GRAMD4: variants seen among roughly 807,000 people sequenced by gnomAD.
GRAMD4 encodes the protein GRAM domain-containing protein 4.
In GRAMD4, 25 loss-of-function variants were observed where a neutral mutation model predicts 83.9. That is an observed-to-expected ratio of 0.30 (90% CI 0.22 to 0.42). The LOEUF (loss-of-function observed/expected upper bound fraction) is 0.42. Among genes scored for constraint, GRAMD4 ranks in the 10% least tolerant of loss-of-function variants. The pLI is 1.00. For missense variants in GRAMD4, 593 were observed against 788.7 expected (o/e 0.75, Z 2.97); for synonymous variants, 336 against 320.9 (o/e 1.05, Z -0.50).
chr22:46,654,350 A>G (rs1256717251), intron 3 of GRAMD4, among the ~76,000 whole-genome samples: 1 of 152,188 alleles, frequency 6.6e-6, no homozygotes, highest in Non-Finnish European at 1.5e-5. Context: ...CACATGCTCC[A>G]TGCTGCTCTT....
At chr22:46,644,858 G>A (rs1289019334) in intron 3 of GRAMD4, among the ~76,000 whole-genome samples, 1 of 139,794 alleles carries the variant, frequency 7.2e-6, no homozygotes, top group African/African-American at 2.7e-5. Flanking sequence ...TCAGCTTCCT[G>A]AGTAGCAGGG....
chr22:46,668,177 C>T lies in GRAMD4; in HGVS notation c.930+10C>T, dbSNP rs370392282. The T allele has an allele frequency of 2.7e-5, 44 of 1,602,428 alleles. No homozygotes were observed. The highest frequency in any genetic ancestry group is 3.2e-5 in the Non-Finnish European group (37 of 1,171,360). On this transcript the variant is annotated intron_variant, in intron 11 of 18. Transcript: ENST00000406902. Reference sequence around the variant, plus strand: ...CGCCCAGAAAGCCCAGGTACTGCCACGGGCGCCGGCCAGGGGTGTGTCTGC... The same window carrying T: ...CGCCCAGAAAGCCCAGGTACTGCCATGGGCGCCGGCCAGGGGTGTGTCTGC...
intron 3 of GRAMD4, among the ~76,000 whole-genome samples, chr22:46,641,363 G>T (rs1285346473): frequency 6.6e-6 from 1 of 150,848 alleles, no homozygotes; most frequent in Non-Finnish European, 1.5e-5. Context: ...GTGAGCCACT[G>T]TGTGCGGCCC....
chr22:46,653,150 T>G (rs1347980607), intron 3 of GRAMD4, among the ~76,000 whole-genome samples: 1 of 152,210 alleles, frequency 6.6e-6, no homozygotes, highest in Non-Finnish European at 1.5e-5. Context: ...GTGGGAAGCC[T>G]CATGGCTCTT....
At chr22:46,604,692 G>T (rs959037013) in intron 1 of GRAMD4, among the ~76,000 whole-genome samples, 20 of 152,248 alleles carry the variant, frequency 1.3e-4, no homozygotes, top group Admixed American at 3.3e-4. Context: ...TGTCCTCTGG[G>T]CTCACCCAGG....
upstream of GRAMD4, among the ~76,000 whole-genome samples, chr22:46,618,649 C>T (rs755370684): frequency 2.0e-5 from 3 of 152,152 alleles, no homozygotes; most frequent in Non-Finnish European, 2.9e-5. The surrounding 1 kb of genome is among the most constrained non-coding windows in gnomAD (Gnocchi z 5.8). Context: ...CCATGCTTGC[C>T]ATGTGGAGAA....
At chr22:46,667,055 G>A (rs769689948) in intron 10 of GRAMD4, among the ~76,000 whole-genome samples, 182 bp downstream of exon 10, 1 of 152,210 alleles carries the variant, frequency 6.6e-6, no homozygotes, top group African/African-American at 2.4e-5. Context: ...CAAGGCCTGC[G>A]AGGCTGCAAG....
At chr22:46,661,481 G>A (rs774806015) in intron 5 of GRAMD4, 39 bp downstream of exon 5, 6 of 1,322,320 alleles carry the variant, frequency 4.5e-6, no homozygotes, top group Admixed American at 1.7e-5. Context: ...AGGCGGGCGG[G>A]TGGGTGGCTG....
chr22:46,638,151 C>T (rs1320341019), intron 3 of GRAMD4, among the ~76,000 whole-genome samples, 191 bp downstream of exon 3: 1 of 152,244 alleles, frequency 6.6e-6, no homozygotes, highest in Non-Finnish European at 1.5e-5. Context: ...CAGCCTCTGT[C>T]TCTGTGTTTG....
At chr22:46,594,591 G>GT (rs1436094239) in intron 1 of GRAMD4, among the ~76,000 whole-genome samples, 1 of 151,498 alleles carries the variant, frequency 6.6e-6, no homozygotes, top group African/African-American at 2.4e-5. Context: ...TGGGTGGGGG[G>GT]GGTTAGGTGT....
At chr22:46,629,259 C>T (rs1163651779) in intron 2 of GRAMD4, among the ~76,000 whole-genome samples, 2 of 152,132 alleles carry the variant, frequency 1.3e-5, no homozygotes, top group African/African-American at 4.8e-5. Flanking sequence ...GCCTCAGTAT[C>T]CTCAGCTTTT....
chr22:46,675,568 C>T lies in GRAMD4; in HGVS notation c.1563+16C>T. 6.6e-7 allele frequency: 1 copy of T among 1,510,570 alleles called. No homozygotes were observed. The highest frequency in any genetic ancestry group is 1.1e-5 in the South Asian group (1 of 89,050). 93.6% of individuals were successfully genotyped at this position (1,510,570 alleles called of 1,614,324 possible). ...CATCCAGAAGGTTGGTGCACCTACCCACCCCCACTAACCCCCGTGTTTTCT... is the reference window on the plus strand; with the variant it reads ...CATCCAGAAGGTTGGTGCACCTACCTACCCCCACTAACCCCCGTGTTTTCT... On this transcript the variant is annotated intron_variant, in intron 17 of 18. Coordinates refer to ENST00000406902, the MANE Select transcript of GRAMD4 (RefSeq NM_015124.5).
chr22:46,611,493 A>G (rs888306194), intron 1 of GRAMD4, among the ~76,000 whole-genome samples: 4 of 152,076 alleles, frequency 2.6e-5, no homozygotes, highest in Non-Finnish European at 5.9e-5. Context: ...ACCTCAGTTT[A>G]CCCATTTGTC....
rs1045895557 is a variant in GRAMD4 at position 46,601,256 on chromosome 22, G to A, written c.-50+23966G>A. On this transcript the variant is annotated intron_variant, in intron 1 of 1. Transcript: ENST00000431155. The stretch of plus-strand genomic sequence containing the variant: ...GGAGACAGCTTGTCTTCTGTGACCC[G>A]TCGGCCGCCGGGTCACACCGTGCAG... 1.1e-4 allele frequency among the ~76,000 whole-genome samples: 16 copies of A among 152,182 alleles called. No homozygotes were observed. The East Asian group carries it at 1.6e-3, about 15-fold the overall frequency.
At chr22:46,610,519 G>T (rs555398874) in intron 1 of GRAMD4, among the ~76,000 whole-genome samples, 4 of 152,356 alleles carry the variant, frequency 2.6e-5, no homozygotes, top group Admixed American at 2.6e-4. Flanking sequence ...GGTGTTCACC[G>T]CCCGGCCTCT....
At chr22:46,656,164 G>A (rs770171268) in intron 3 of GRAMD4, among the ~76,000 whole-genome samples, 8 of 151,584 alleles carry the variant, frequency 5.3e-5, no homozygotes, top group East Asian at 1.9e-4. Context: ...GAGAAGGGCC[G>A]ATCCCAGCGG....
intron 15 of GRAMD4, 25 bp from the exon 16 acceptor site, chr22:46,674,632 T>C (rs1282508783): frequency 6.6e-7 from 1 of 1,519,658 alleles, no homozygotes; most frequent in Admixed American, 1.7e-5. Flanking sequence ...GTGGAAAGTG[T>C]GACAGGCGGG....
chr22:46,600,450 C>T (rs576079669), intron 1 of GRAMD4, among the ~76,000 whole-genome samples: 278 of 152,288 alleles, frequency 1.8e-3, no homozygotes, highest in Middle Eastern at 3.4e-3. Context: ...CTTCTGCTTC[C>T]CTTGTGGCTT....
chr22:46,627,146 G>A (rs1014973994), intron 2 of GRAMD4, among the ~76,000 whole-genome samples, 185 bp downstream of exon 2: 4 of 152,194 alleles, frequency 2.6e-5, no homozygotes, highest in African/African-American at 7.2e-5. Flanking sequence ...GTGCTGCCAC[G>A]CCGAGCCTTC....
Sources: gnomAD v4.1 joint callset for allele counts (sites outside exome capture counted in the v4.1 genomes callset) on GRCh38, gnomAD v4.1.1 for gene constraint, Gnocchi (gnomAD v3.1) non-coding constraint, MANE v1.5 for transcripts, NCBI Gene and HGNC (gene_info 2026-07-23, HGNC 2026-07-21) for gene names.